Variants in CDK10 observed in about 807,000 individuals in gnomAD.
CDK10 encodes cyclin dependent kinase 10.
A neutral mutation model predicts 51.0 loss-of-function variants in CDK10; 55 were observed. The ratio of observed to expected loss-of-function variants is 1.08; its 90% confidence interval spans 0.87 to 1.35. CDK10 has a LOEUF of 1.35. Ranked by LOEUF, CDK10 falls within the 40% of genes most tolerant of loss-of-function variation. The pLI is 0.00. For synonymous variants in CDK10, 255 were observed against 199.1 expected (o/e 1.28, Z -2.36); for missense variants, 589 against 485.1 (o/e 1.21, Z -2.01).
At chr16:89,692,314 C>T in intron 5 of CDK10, 135 bp from the exon 6 acceptor site, 1 of 632,566 alleles carries the variant, frequency 1.6e-6, no homozygotes. Context: ...AGCCCCGGGG[C>T]CGAGAGCCTT....
Position 89,695,587 on chromosome 16 carries a change from C to T in CDK10, c.986-8C>T. On this transcript the variant is annotated splice_region_variant and splice_polypyrimidine_tract_variant and intron_variant, in intron 12 of 12. Coordinates refer to ENST00000353379, the MANE Select transcript of CDK10 (RefSeq NM_052988.5). Reference sequence around the variant, plus strand: ...GCCCCGCCCAGCACTGAACCCTTCTCCCTGCAGCCTGTGAGCCGGAGCTCA... The same window carrying T: ...GCCCCGCCCAGCACTGAACCCTTCTTCCTGCAGCCTGTGAGCCGGAGCTCA... 6.3e-7 allele frequency: 1 copy of T among 1,599,648 alleles called. No individual in the cohort carries two copies. Among genetic ancestry groups the T allele is most frequent in the Non-Finnish European group, 8.5e-7 (1 of 1,174,986 alleles).
intron 8 of CDK10, chr16:89,693,891 G>A (rs34026287): frequency 0.016 from 9,123 of 578,560 alleles, 170 homozygotes; most frequent in South Asian, 0.053. Flanking sequence ...CCCCAGTGTC[G>A]TGTACTCCCC....
In CDK10 at chr16:89,695,057, G is replaced by A. The variant is rs774549236; in HGVS notation, c.919G>A (p.Asp307Asn). ...CCTGCTGCACTTCCTGTTCATGTAC[G>A]ACCCTAAGAAAAGGTGCTGATCTCT... ...LRLLHFLFMY[D>N]PKKRATAGDC... The change falls in exon 11 of 13, where the codon GAC (aspartate) becomes AAC (asparagine). Residue 307 changes from aspartate to asparagine, a missense_variant. Asp to Asn is a conservative substitution (Grantham distance 23). Coordinates refer to ENST00000353379, the MANE Select transcript of CDK10 (RefSeq NM_052988.5). The A allele has an allele frequency of 1.5e-5, 24 of 1,612,756 alleles. No individual in the cohort carries two copies. The highest frequency in any genetic ancestry group is 1.9e-5 in the Non-Finnish European group (22 of 1,179,942).
intron 1 of CDK10, among the ~76,000 whole-genome samples, 166 bp from the exon 2 acceptor site, chr16:89,689,086 C>T (rs1463797051): frequency 6.6e-6 from 1 of 151,950 alleles, no homozygotes; most frequent in East Asian, 1.9e-4. Context: ...GGCAACAGAG[C>T]GAGACTCAGT....
chr16:89,693,563 G>C, intron 8 of CDK10, 96 bp downstream of exon 8: 1 of 1,251,458 alleles, frequency 8.0e-7, no homozygotes, highest in Non-Finnish European at 1.2e-6. Context: ...CTGGCCTTGG[G>C]AATGTTAAGC....
At chr16:89,687,470 G>A (rs1179919293) in intron 1 of CDK10, 4 of 456,100 alleles carry the variant, frequency 8.8e-6, no homozygotes, top group East Asian at 6.9e-5. Flanking sequence ...ATGACAACAG[G>A]AGCCACACTT....
chr16:89,693,137 CAAA>C (rs56171201), intron 6 of CDK10, 134 bp from the exon 7 acceptor site: 2,508 of 563,988 alleles, frequency 4.4e-3, no homozygotes, highest in Middle Eastern at 0.012. Flanking sequence ...GACTCTGTCT[CAAA>C]AAAAAAAAAA....
rs954130837 is a variant in CDK10 at position 89,692,161 on chromosome 16, C to T, written c.417+274C>T. ...CGGGGCTGAGAGCCTTCTGAGGGCACTGGTTTCCTGGGCTGCTGGGAGCGG... is the reference window on the plus strand; with the variant it reads ...CGGGGCTGAGAGCCTTCTGAGGGCATTGGTTTCCTGGGCTGCTGGGAGCGG... On this transcript the variant is annotated intron_variant, in intron 5 of 12. Coordinates refer to ENST00000353379, the MANE Select transcript of CDK10 (RefSeq NM_052988.5). The T allele has an allele frequency of 5.3e-6, 3 of 565,488 alleles. No homozygotes were observed. The African/African-American group carries it at 5.8e-5, about 11-fold the overall frequency. 35.0% of individuals were successfully genotyped at this position (565,488 alleles called of 1,614,324 possible). A position where few individuals can be genotyped will look rare whatever the true frequency, so the allele number is the denominator to read the frequency against.
At position 89,686,732 on chromosome 16, in the gene CDK10, T is replaced by G. The variant is rs775492263; in HGVS notation, c.22T>G (p.Cys8Gly). Residue 8 changes from cysteine to glycine, a missense_variant, in exon 1 of 13, where the codon TGC (cysteine) becomes GGC (glycine). Cys to Gly is a radical substitution (Grantham distance 159). Transcript: ENST00000353379. MAEPDLE[C>G]EQIRLKCIRK... ...CGGCATGGCGGAGCCAGATCTGGAG[T>G]GCGAGCAGATCCGTCTGAAGTGTAT... 1 of 1,607,746 alleles carries G rather than the reference T, an allele frequency of 6.2e-7. No homozygotes were observed. Among genetic ancestry groups the G allele is most frequent in the African/African-American group, 1.3e-5 (1 of 74,074 alleles).
intron 8 of CDK10, chr16:89,693,707 G>C (rs566774686): frequency 6.8e-6 from 4 of 584,434 alleles, no homozygotes; most frequent in Non-Finnish European, 1.2e-5. Flanking sequence ...ACCTCGCCTT[G>C]AGAGCTGGAA....
intron 3 of CDK10, 57 bp downstream of exon 3, chr16:89,690,681 A>C: frequency 7.1e-7 from 1 of 1,417,644 alleles, no homozygotes; most frequent in Non-Finnish European, 1.0e-6. Flanking sequence ...GAAGGATGTG[A>C]GTTACCTGAA....
In CDK10 at chr16:89,686,798, G is replaced by A. The variant is rs756879454; in HGVS notation, c.87+1G>A. On this transcript the variant is annotated splice_donor_variant, in intron 1 of 12. Coordinates refer to ENST00000353379, the MANE Select transcript of CDK10 (RefSeq NM_052988.5). LOFTEE classifies it high-confidence loss of function. ...CTTCACGGTGCCTCCGGAACACAGG[G>A]TGCGCGGGGTGCCACCCGGGCAGCT... 7 of 1,608,480 alleles carry A rather than the reference G, an allele frequency of 4.4e-6. No homozygotes were observed. Among genetic ancestry groups the A allele is most frequent in the Non-Finnish European group, 5.1e-6 (6 of 1,177,226 alleles).
intron 1 of CDK10, chr16:89,687,339 A>G (rs1015651379): frequency 1.3e-5 from 5 of 399,552 alleles, no homozygotes; most frequent in Admixed American, 7.9e-5. Flanking sequence ...GCCCAGGTGC[A>G]CGGCTGGTGG....
chr16:89,692,506 A>G lies in CDK10; in HGVS notation c.475A>G (p.Ile159Val), dbSNP rs939360660. The G allele has an allele frequency of 1.0e-5, 16 of 1,592,000 alleles. No individual in the cohort carries two copies. Among genetic ancestry groups the G allele is most frequent in the Non-Finnish European group, 1.3e-5 (15 of 1,169,148 alleles). Reference protein sequence around the residue: ...RGLQYLHRNFIIHRDLKVSNL... With the variant: ...RGLQYLHRNFVIHRDLKVSNL... Reference sequence around the variant, plus strand: ...CCTCCAGTATCTGCACAGGAACTTCATTATCCACAGGTGGGTGACAGCTAG... The same window carrying G: ...CCTCCAGTATCTGCACAGGAACTTCGTTATCCACAGGTGGGTGACAGCTAG... Residue 159 changes from isoleucine to valine, a missense_variant, in exon 6 of 13, where the codon ATT becomes GTT. Transcript: ENST00000353379.
rs368454249 is a variant in CDK10 at position 89,691,773 on chromosome 16, C to T, written c.336-33C>T. ...CCACTTCCACCCCTTAGGAGAAGGC[C>T]GGAGAGTGGCATGCATCTTCTGTTT... On this transcript the variant is annotated intron_variant, in intron 4 of 12. Coordinates refer to ENST00000353379, the MANE Select transcript of CDK10 (RefSeq NM_052988.5). The T allele has an allele frequency of 3.1e-5, 50 of 1,596,884 alleles. No individual in the cohort carries two copies. The Middle Eastern group carries it at 6.6e-4, about 21-fold the overall frequency.
chr16:89,696,094 C>T lies in CDK10; in HGVS notation c.*402C>T, dbSNP rs1454667903. ...AGGGCCCAGAAGACCTTCGTATCCC[C>T]TCTCAGTCGCCCGGGGCTGTCCCGT... On this transcript the variant is annotated 3_prime_UTR_variant, in exon 13 of 13. Coordinates refer to ENST00000353379, the MANE Select transcript of CDK10 (RefSeq NM_052988.5). 4 of 494,346 alleles carry T rather than the reference C, an allele frequency of 8.1e-6. No homozygotes were observed. Among genetic ancestry groups the T allele is most frequent in the Non-Finnish European group, 1.1e-5 (3 of 269,834 alleles). 30.6% of individuals were successfully genotyped at this position (494,346 alleles called of 1,614,324 possible).
intron 1 of CDK10, 56 bp downstream of exon 1, chr16:89,686,853 C>A: frequency 6.8e-7 from 1 of 1,473,548 alleles, no homozygotes; most frequent in Non-Finnish European, 9.4e-7. Context: ...CACTGCCCGG[C>A]TGGGTCTGGG....
intron 8 of CDK10, 137 bp from the exon 9 acceptor site, chr16:89,694,036 A>G (rs1311497966): frequency 5.0e-6 from 4 of 799,620 alleles, no homozygotes; most frequent in Non-Finnish European, 8.5e-6. Context: ...CTGGATCTGC[A>G]GGGCCTGGGG....
rs2060657701 is a variant in CDK10, at chr16:89,695,186, G to A, written c.933-107G>A. 9 of 1,537,902 alleles carry A rather than the reference G, an allele frequency of 5.9e-6. No individual in the cohort carries two copies. The South Asian group carries it at 7.2e-5, about 12-fold the overall frequency. On this transcript the variant is annotated intron_variant, in intron 11 of 12. Transcript: ENST00000353379. ...CCCTCCCCAGGCACAGCCGCTCGGA[G>A]TGGCCACCTGGCTTCCTTTGAGCAT...
Sources: gnomAD v4.1 joint callset for allele counts (sites outside exome capture counted in the v4.1 genomes callset) on GRCh38, gnomAD v4.1.1 for gene constraint, MANE v1.5 for transcripts, NCBI Gene and HGNC (gene_info 2026-07-23, HGNC 2026-07-21) for gene names.